ATP12A: variants seen among roughly 807,000 people sequenced by gnomAD.
ATP12A encodes potassium-transporting ATPase alpha chain 2.
A neutral mutation model predicts 111.2 loss-of-function variants in ATP12A; 81 were observed. The ratio of observed to expected loss-of-function variants is 0.73; its 90% CI spans 0.61 to 0.88. The LOEUF is 0.88. Ranked by LOEUF, ATP12A falls within the 40% of genes least tolerant of loss-of-function variation. ATP12A has a pLI of 0.00. For synonymous variants in ATP12A, 498 were observed against 499.8 expected, an observed-to-expected ratio of 1.00 and a Z score of 0.05; for missense variants, 1,196 against 1,313.1, an observed-to-expected ratio of 0.91 and a Z score of 1.38.
At chr13:24,689,452 C>A in intron 5 of ATP12A, 77 bp downstream of exon 5, 1 of 1,284,964 alleles carries the variant, frequency 7.8e-7, no homozygotes. Flanking sequence ...GGCACAGGGC[C>A]CTGAGGGCTA....
chr13:24,680,439 T>C lies in ATP12A; in HGVS notation c.-305T>C, dbSNP rs1838246828. On this transcript the variant is annotated 5_prime_UTR_variant, in exon 1 of 23. Coordinates refer to ENST00000381946, the MANE Select transcript of ATP12A (RefSeq NM_001676.7). Reference sequence around the variant, plus strand: ...CCTGGACTCTCCCGACCCCTAGCTGTCGGTCCCCCTCCCTGCGCGCGCGCC... The same window carrying C: ...CCTGGACTCTCCCGACCCCTAGCTGCCGGTCCCCCTCCCTGCGCGCGCGCC... 7.4e-6 allele frequency: 3 copies of C among 405,312 alleles called. No individual in the cohort carries two copies. Among genetic ancestry groups the C allele is most frequent in the Non-Finnish European group, 1.3e-5 (3 of 227,266 alleles). The allele number at this position is 405,312 out of a possible 1,614,324, so 25.1% of individuals were successfully genotyped here. A position where few individuals can be genotyped will look rare whatever the true frequency, so the allele number is the denominator to read the frequency against.
chr13:24,700,010 G>A (rs1485279774), intron 12 of ATP12A, among the ~76,000 whole-genome samples: 17 of 152,304 alleles, frequency 1.1e-4, no homozygotes, highest in East Asian at 9.6e-4. Context: ...GCCCACTTGC[G>A]TTTGATTTCT....
chr13:24,681,927 CTGTGTAG>C (rs1172619922), intron 2 of ATP12A, among the ~76,000 whole-genome samples: 16 of 66,314 alleles, frequency 2.4e-4, no homozygotes, highest in Admixed American at 7.5e-4. Flanking sequence ...TGTGGTGTGT[CTGTGTAG>C]TGTGTGGTGT....
intron 14 of ATP12A, 70 bp from the exon 15 acceptor site, chr13:24,706,243 C>G: frequency 1.3e-6 from 2 of 1,562,452 alleles, no homozygotes; most frequent in South Asian, 1.2e-5. Context: ...CAGCCAGCAT[C>G]CTGCCTGGAA....
rs369242573 is a variant in ATP12A, at chr13:24,685,821, C to A, written c.228+448C>A. 6.6e-6 allele frequency among the ~76,000 whole-genome samples: 1 copy of A among 152,186 alleles called. No individual in the cohort carries two copies. Among genetic ancestry groups the A allele is most frequent in the African/African-American group, 2.4e-5 (1 of 41,438 alleles). ...GCTTCGGATTTAAGCTGGTGGGGGACCCCAGGGCCAGTAAGCACAGAGCCT... is the reference window on the plus strand; with the variant it reads ...GCTTCGGATTTAAGCTGGTGGGGGAACCCAGGGCCAGTAAGCACAGAGCCT... On this transcript the variant is annotated intron_variant, in intron 3 of 22. Coordinates refer to ENST00000381946, the MANE Select transcript of ATP12A (RefSeq NM_001676.7). This position sits in a 1 kb window ranked among gnomAD's most constrained non-coding sequence, Gnocchi z 5.5.
chr13:24,709,283 C>T (rs1426265002), intron 17 of ATP12A, 81 bp from the exon 18 acceptor site: 7 of 285,378 alleles, frequency 2.5e-5, no homozygotes, highest in Non-Finnish European at 6.6e-6. Context: ...GCCAGTGCCC[C>T]ACCCACCCCA....
At chr13:24,700,966 G>T in intron 13 of ATP12A, 44 bp downstream of exon 13, 2 of 1,593,550 alleles carry the variant, frequency 1.3e-6, no homozygotes, top group Non-Finnish European at 1.7e-6. Context: ...TCTTTATGTC[G>T]TGTTCCTTTC....
At position 24,707,318 on chromosome 13, in the gene ATP12A, A is replaced by G. The variant is rs1875712828; in HGVS notation, c.2378A>G (p.Tyr793Cys). The G allele has an allele frequency of 6.2e-7, 1 of 1,614,116 alleles. No homozygotes were observed. Among genetic ancestry groups the G allele is most frequent in the Admixed American group, 1.7e-5 (1 of 60,012 alleles). The change falls in exon 17 of 23, where the codon TAT (tyrosine) becomes TGT (cysteine). Residue 793 changes from tyrosine (Y) to cysteine (C), a missense_variant. By Grantham distance (194) the Tyr-to-Cys change is radical. Transcript: ENST00000381946. Reference protein sequence around the residue: ...IFDNLKKTIAYSLTKNIAELC... With the variant: ...IFDNLKKTIACSLTKNIAELC... Reference sequence around the variant, plus strand: ...GACAACCTCAAGAAGACTATTGCTTATTCCCTGACCAAGAACATTGCCGAG... The same window carrying G: ...GACAACCTCAAGAAGACTATTGCTTGTTCCCTGACCAAGAACATTGCCGAG...
intron 12 of ATP12A, among the ~76,000 whole-genome samples, chr13:24,699,755 C>T (rs1025611006): frequency 6.6e-6 from 1 of 152,148 alleles, no homozygotes; most frequent in Non-Finnish European, 1.5e-5. Flanking sequence ...GTTGTCAGCA[C>T]CAGGGCTGGC....
rs192196672 is a variant in ATP12A, at chr13:24,703,416, A to G, written c.2018+1345A>G. The G allele has an allele frequency of 2.6e-5, 4 of 152,002 alleles. No individual in the cohort carries two copies. The East Asian group carries it at 7.8e-4, about 30-fold the overall frequency. The allele number at this position is 152,002 out of a possible 1,614,324, so 9.4% of individuals were successfully genotyped here. A position where few individuals can be genotyped will look rare whatever the true frequency, so the allele number is the denominator to read the frequency against. ...CGCCACCATGCCTGGCTAATTTTGT[A>G]TTTTTAGTAGAGACGGGGCTTTGCC... On this transcript the variant is annotated intron_variant, in intron 14 of 22. Coordinates refer to ENST00000381946, the MANE Select transcript of ATP12A (RefSeq NM_001676.7).
At chr13:24,705,492 A>G (rs1875587444) in intron 14 of ATP12A, among the ~76,000 whole-genome samples, 1 of 152,218 alleles carries the variant, frequency 6.6e-6, no homozygotes. Context: ...TTACTTTTAT[A>G]GTCAGCAGGC....
In ATP12A at chr13:24,699,746, T is replaced by A. The variant is rs193041178; in HGVS notation, c.1705+896T>A. ...TTGTCAAAGGGGACAGTGTGTCCTG[T>A]TGTCAGCACCAGGGCTGGCGGAATG... is the stretch of plus-strand genomic sequence containing the variant. On this transcript the variant is annotated intron_variant, in intron 12 of 22. Coordinates refer to ENST00000381946, the MANE Select transcript of ATP12A (RefSeq NM_001676.7). 2.6e-3 allele frequency among the ~76,000 whole-genome samples: 400 copies of A among 152,304 alleles called. 2 individuals carry two copies. Among genetic ancestry groups the A allele is most frequent in the Non-Finnish European group, 4.8e-3 (325 of 68,016 alleles).
chr13:24,710,127 G>T (rs78225710), intron 19 of ATP12A, among the ~76,000 whole-genome samples: 9 of 152,180 alleles, frequency 5.9e-5, no homozygotes, highest in Admixed American at 4.6e-4. Context: ...CTTTCAGGCC[G>T]GGTGCAGTGG....
At chr13:24,683,786 C>T (rs998212604) in intron 2 of ATP12A, among the ~76,000 whole-genome samples, 8 of 152,092 alleles carry the variant, frequency 5.3e-5, no homozygotes, top group African/African-American at 1.7e-4. Context: ...CAGCACCAGA[C>T]GATAGATCGT....
At position 24,685,162 on chromosome 13, in the gene ATP12A, C is replaced by A; in HGVS notation, c.169-152C>A. On this transcript the variant is annotated intron_variant, in intron 2 of 22. Coordinates refer to ENST00000381946, the MANE Select transcript of ATP12A (RefSeq NM_001676.7). This position sits in a 1 kb window ranked among gnomAD's most constrained non-coding sequence, Gnocchi z 5.5. ...CATCCTTCGCTGGGCAGCTGCCTGG[C>A]ACAGGGGTTCTTTCTCTCCTGTCCC... 1.4e-6 allele frequency: 1 copy of A among 694,196 alleles called. No individual in the cohort carries two copies. The highest frequency in any genetic ancestry group is 2.5e-6 in the Non-Finnish European group (1 of 396,770). The allele number at this position is 694,196 out of a possible 1,614,324, so 43.0% of individuals were successfully genotyped here.
At position 24,707,261 on chromosome 13, in the gene ATP12A, A is replaced by G. The variant is rs1199364608; in HGVS notation, c.2339-18A>G. On this transcript the variant is annotated intron_variant, in intron 16 of 22. Coordinates refer to ENST00000381946, the MANE Select transcript of ATP12A (RefSeq NM_001676.7). ...GGGGACTAGAAGTAAGTTCTGAAGG[A>G]GAAACCTCTCTGCCTAGGTCGCCTG... 2.5e-6 allele frequency: 4 copies of G among 1,614,178 alleles called. No individual in the cohort carries two copies. The Admixed American group carries it at 5.0e-5, about 20-fold the overall frequency.
chr13:24,686,696 G>C (rs1331858057), intron 3 of ATP12A, among the ~76,000 whole-genome samples: 4 of 152,022 alleles, frequency 2.6e-5, no homozygotes, highest in African/African-American at 7.2e-5. Flanking sequence ...CGGAGATCGC[G>C]CCACTGCCCT....
At chr13:24,695,922 T>C (rs1467406822) in intron 11 of ATP12A, among the ~76,000 whole-genome samples, 1 of 152,168 alleles carries the variant, frequency 6.6e-6, no homozygotes, top group Non-Finnish European at 1.5e-5. Flanking sequence ...AGAAGAACTC[T>C]TGTGTTGCAA....
chr13:24,708,915 A>G (rs1445705851), intron 17 of ATP12A, among the ~76,000 whole-genome samples: 1 of 121,480 alleles, frequency 8.2e-6, no homozygotes, highest in African/African-American at 3.5e-5. Flanking sequence ...GAAAGAAAGA[A>G]AGAAAGAAAG....
Sources: allele counts gnomAD v4.1 joint callset (sites outside exome capture counted in the v4.1 genomes callset), GRCh38; gene constraint gnomAD v4.1.1; non-coding constraint Gnocchi (gnomAD v3.1); transcripts MANE v1.5; gene names NCBI Gene and HGNC (gene_info 2026-07-23, HGNC 2026-07-21).